The following SH3BGRL2 variants were observed in gnomAD, a reference collection of about 807,000 sequenced individuals.
The protein encoded by SH3BGRL2 is SH3 domain binding glutamate rich protein like 2.
A neutral mutation model predicts 14.8 loss-of-function variants in SH3BGRL2; 21 were observed. That is an observed-to-expected ratio of 1.42 (90% confidence interval 1.01 to 2.05). The LOEUF (loss-of-function observed/expected upper bound fraction) is 2.05, where lower values mean the gene tolerates loss of function less well. Among genes scored for constraint, SH3BGRL2 ranks in the 30% most tolerant of loss-of-function variants. SH3BGRL2 has a pLI of 0.00. For synonymous variants in SH3BGRL2, 50 were observed against 47.8 expected (o/e 1.05, Z -0.19); for missense variants, 147 against 130.8 (o/e 1.12, Z -0.61).
intron 2 of SH3BGRL2, among the ~76,000 whole-genome samples, chr6:79,683,963 G>A (rs1770043839): frequency 6.6e-6 from 1 of 152,218 alleles, no homozygotes; most frequent in Non-Finnish European, 1.5e-5. Context: ...CTACGTTGTA[G>A]GGTATCTGCA....
chr6:79,554,484 G>A, the SH3BGRL2 span, among the ~76,000 whole-genome samples: 1 of 152,074 alleles, frequency 6.6e-6, no homozygotes. Context: ...ATTCAATAGA[G>A]GATTTATTGA....
At chr6:79,697,678 G>A (rs574537047) in intron 3 of SH3BGRL2, among the ~76,000 whole-genome samples, 2 of 152,258 alleles carry the variant, frequency 1.3e-5, no homozygotes, top group South Asian at 2.1e-4. Context: ...CACGCATGCC[G>A]TATTTAAAGG....
intron 1 of SH3BGRL2, among the ~76,000 whole-genome samples, chr6:79,641,150 TTGTG>T (rs373404859): frequency 0.084 from 11,799 of 141,246 alleles, 524 homozygotes; most frequent in East Asian, 0.17. Flanking sequence ...TCTCACCCTT[TTGTG>T]TGTGTGTGTG....
At chr6:79,645,697 T>G (rs987410056) in intron 1 of SH3BGRL2, among the ~76,000 whole-genome samples, 2 of 152,168 alleles carry the variant, frequency 1.3e-5, no homozygotes, top group African/African-American at 4.8e-5. Flanking sequence ...AGCAAGTTTG[T>G]GTGTGTGTGT....
At chr6:79,685,302 C>G (rs1770069349) in intron 2 of SH3BGRL2, among the ~76,000 whole-genome samples, 1 of 152,168 alleles carries the variant, frequency 6.6e-6, no homozygotes, top group Non-Finnish European at 1.5e-5. Context: ...AATTCTCTCT[C>G]TTTCTGAATC....
chr6:79,668,696 T>C (rs1272760498), intron 1 of SH3BGRL2, among the ~76,000 whole-genome samples: 1 of 152,154 alleles, frequency 6.6e-6, no homozygotes, highest in Non-Finnish European at 1.5e-5. Flanking sequence ...TTTATAAATG[T>C]ATCAACAATT....
the SH3BGRL2 span, among the ~76,000 whole-genome samples, chr6:79,579,944 TGGAGGAAGATCTATC>T: frequency 2.6e-5 from 4 of 151,956 alleles, no homozygotes; most frequent in Non-Finnish European, 5.9e-5. Context: ...AATAAAGGGA[TGGAGGAAGATCTATC>T]AAGCAAATGG....
chr6:79,564,678 C>A, the SH3BGRL2 span, among the ~76,000 whole-genome samples: 2 of 151,970 alleles, frequency 1.3e-5, no homozygotes, highest in Non-Finnish European at 2.9e-5. Flanking sequence ...TTAAAAACTT[C>A]TCAAAAATAC....
intron 1 of SH3BGRL2, among the ~76,000 whole-genome samples, chr6:79,654,026 C>T (rs1027502630): frequency 2.6e-5 from 4 of 152,086 alleles, no homozygotes; most frequent in Non-Finnish European, 4.4e-5. Flanking sequence ...AGAATAGTTG[C>T]GTTGTCACAG....
chr6:79,642,291 C>T (rs1231927653), intron 1 of SH3BGRL2, among the ~76,000 whole-genome samples: 1 of 152,096 alleles, frequency 6.6e-6, no homozygotes, highest in Non-Finnish European at 1.5e-5. Context: ...TATAAATAAT[C>T]TACAGATGAT....
At chr6:79,615,061 A>C in the SH3BGRL2 span, among the ~76,000 whole-genome samples, 2 of 152,194 alleles carry the variant, frequency 1.3e-5, no homozygotes, top group African/African-American at 4.8e-5. Flanking sequence ...ATAAGGCACT[A>C]AGCAGAGGAA....
the SH3BGRL2 span, among the ~76,000 whole-genome samples, chr6:79,558,674 G>T: frequency 1.3e-4 from 19 of 151,564 alleles, no homozygotes; most frequent in African/African-American, 4.6e-4. Flanking sequence ...AGACAAGCCT[G>T]GGCAACATGG....
chr6:79,671,642 A>G (rs1769775135), intron 1 of SH3BGRL2, among the ~76,000 whole-genome samples: 1 of 152,224 alleles, frequency 6.6e-6, no homozygotes, highest in Admixed American at 6.5e-5. Context: ...TGTTATGGCT[A>G]TTTGGACTCT....
At chr6:79,599,072 ACT>A in the SH3BGRL2 span, among the ~76,000 whole-genome samples, 2 of 136,494 alleles carry the variant, frequency 1.5e-5, no homozygotes, top group African/African-American at 5.4e-5. Flanking sequence ...CAAGAGCAAA[ACT>A]CTGTCTCAAA....
intron 1 of SH3BGRL2, among the ~76,000 whole-genome samples, chr6:79,662,525 T>C (rs1769572534): frequency 6.6e-6 from 1 of 152,240 alleles, no homozygotes; most frequent in Non-Finnish European, 1.5e-5. Context: ...ACTGTTAGTC[T>C]GATGGGCTTC....
At chr6:79,667,922 G>C (rs369460834) in intron 1 of SH3BGRL2, among the ~76,000 whole-genome samples, 1 of 150,050 alleles carries the variant, frequency 6.7e-6, no homozygotes, top group East Asian at 2.0e-4. Flanking sequence ...TTTCCTCATT[G>C]TCCTCTGTGG....
At chr6:79,561,688 C>A in the SH3BGRL2 span, 1 of 152,222 alleles carries the variant, frequency 6.6e-6, no homozygotes. Flanking sequence ...CACTCGCATA[C>A]GCTGCCATGA....
chr6:79,641,789 A>G (rs1769038272), intron 1 of SH3BGRL2, among the ~76,000 whole-genome samples: 2 of 152,202 alleles, frequency 1.3e-5, no homozygotes, highest in Admixed American at 1.3e-4. Flanking sequence ...GAACTGTGTA[A>G]GTTCCTTAAC....
the SH3BGRL2 span, among the ~76,000 whole-genome samples, chr6:79,541,251 T>C: frequency 6.6e-6 from 1 of 151,584 alleles, no homozygotes; most frequent in African/African-American, 2.4e-5. Flanking sequence ...AGACTCAGTC[T>C]CAAAAAAAAA....
Sources: allele counts gnomAD v4.1 joint callset (sites outside exome capture counted in the v4.1 genomes callset), GRCh38; gene constraint gnomAD v4.1.1; transcripts MANE v1.5; gene names NCBI Gene and HGNC (gene_info 2026-07-23, HGNC 2026-07-21).